NAALADL2: variants seen among roughly 807,000 people sequenced by gnomAD.
NAALADL2 encodes the protein N-acetylated alpha-linked acidic dipeptidase like 2, also known as inactive N-acetylated-alpha-linked acidic dipeptidase-like protein 2.
A neutral mutation model predicts 87.2 loss-of-function variants in NAALADL2; 76 were observed. The observed-to-expected ratio is 0.87, with a 90% CI of 0.72 to 1.05. The LOEUF (loss-of-function observed/expected upper bound fraction) is 1.05, where lower values mean the gene tolerates loss of function less well. Ranked by LOEUF, NAALADL2 falls within the 50% of genes least tolerant of loss-of-function variation. The pLI, the probability that NAALADL2 is intolerant of heterozygous loss-of-function variation, is 0.00. For missense variants in NAALADL2, 1,089 were observed against 945.8 expected (o/e 1.15, Z -1.99); for synonymous variants, 354 against 331.0 (o/e 1.07, Z -0.75).
intron 2 of NAALADL2, among the ~76,000 whole-genome samples, chr3:174,669,295 A>G (rs1017897977): frequency 6.6e-6 from 1 of 151,824 alleles, no homozygotes; most frequent in East Asian, 1.9e-4. Flanking sequence ...GTTTGAGTTC[A>G]TTGTAGATTC....
chr3:175,436,232 T>C (rs1229777386), intron 5 of NAALADL2, among the ~76,000 whole-genome samples: 9 of 143,764 alleles, frequency 6.3e-5, no homozygotes, highest in Non-Finnish European at 9.1e-5. Flanking sequence ...TGCCACATTT[T>C]CTTAATCCAG....
At chr3:175,112,251 C>T (rs1297527632) in intron 2 of NAALADL2, among the ~76,000 whole-genome samples, 10 of 151,328 alleles carry the variant, frequency 6.6e-5, no homozygotes, top group African/African-American at 2.4e-4. Context: ...CTCCCGCCTC[C>T]TCTCAACTTT....
intron 11 of NAALADL2, among the ~76,000 whole-genome samples, chr3:175,671,981 T>C (rs1166716813): frequency 6.6e-6 from 1 of 152,122 alleles, no homozygotes; most frequent in Non-Finnish European, 1.5e-5. Flanking sequence ...TCTAAGGCAA[T>C]ATCGAACAGT....
At position 175,360,453 on chromosome 3, in the gene NAALADL2, C is replaced by T. The variant is rs1025610644; in HGVS notation, c.1090+36128C>T. 2.6e-5 allele frequency among the ~76,000 whole-genome samples: 4 copies of T among 152,164 alleles called. No individual in the cohort carries two copies. In the East Asian group the frequency reaches 7.7e-4, roughly 29 times the overall value. ...CAGCCTAATAATTCCCTTTGCCCCT[C>T]CCTCTTGCTTCTTTTCCTAAATCCT... On this transcript the variant is annotated intron_variant, in intron 5 of 13. Transcript: ENST00000454872.
intron 1 of NAALADL2, among the ~76,000 whole-genome samples, chr3:174,889,648 A>G (rs1730627725): frequency 6.6e-6 from 1 of 152,232 alleles, no homozygotes; most frequent in South Asian, 2.1e-4. Context: ...ACTAAAAAAA[A>G]AAATGGCACT....
At chr3:175,007,677 G>T (rs1749217336) in intron 1 of NAALADL2, among the ~76,000 whole-genome samples, 1 of 152,096 alleles carries the variant, frequency 6.6e-6, no homozygotes, top group African/African-American at 2.4e-5. Flanking sequence ...CCCAGTGGAT[G>T]CCTGAAACCT....
chr3:174,681,293 C>T (rs1727510895), intron 2 of NAALADL2, among the ~76,000 whole-genome samples: 1 of 152,158 alleles, frequency 6.6e-6, no homozygotes, highest in Non-Finnish European at 1.5e-5. Context: ...TGGGCAAGTG[C>T]TGATGCTGTG....
At chr3:174,617,945 T>TA in intron 2 of NAALADL2, among the ~76,000 whole-genome samples, 1 of 151,926 alleles carries the variant, frequency 6.6e-6, no homozygotes, top group Admixed American at 6.5e-5. Flanking sequence ...AAAAGGATCG[T>TA]AACTAGTTAT....
At chr3:175,133,739 G>GA (rs1267442667) in intron 2 of NAALADL2, among the ~76,000 whole-genome samples, 2 of 152,112 alleles carry the variant, frequency 1.3e-5, no homozygotes, top group Non-Finnish European at 2.9e-5. Flanking sequence ...AGACCGTGGG[G>GA]AGAGGGAGAG....
At chr3:175,208,185 T>A (rs1350809) in intron 2 of NAALADL2, among the ~76,000 whole-genome samples, 104,854 of 151,942 alleles carry the variant, frequency 0.69, 37,301 homozygotes, top group African/African-American at 0.85. Context: ...GATCCTACCG[T>A]TACTTATTTA....
intron 1 of NAALADL2, among the ~76,000 whole-genome samples, chr3:174,954,859 T>G (rs370811258): frequency 7.2e-5 from 11 of 152,088 alleles, no homozygotes; most frequent in African/African-American, 2.4e-4. Context: ...ATACATGTAA[T>G]TAAAGCTTCT....
At chr3:174,457,817 A>G (rs28628357) in intron 1 of NAALADL2, among the ~76,000 whole-genome samples, 2 of 144,742 alleles carry the variant, frequency 1.4e-5, no homozygotes, top group East Asian at 5.2e-4. Flanking sequence ...TCTCAAAAAA[A>G]CAAAAAAAAA....
chr3:175,521,507 T>G (rs1424855086), intron 9 of NAALADL2, among the ~76,000 whole-genome samples: 2 of 152,148 alleles, frequency 1.3e-5, no homozygotes, highest in African/African-American at 4.8e-5. Flanking sequence ...CCCAGAGAGA[T>G]ATGTTCAAGT....
intron 1 of NAALADL2, among the ~76,000 whole-genome samples, chr3:174,466,923 G>A (rs372951165): frequency 1.5e-4 from 23 of 152,254 alleles, no homozygotes; most frequent in African/African-American, 4.1e-4. Context: ...GTGAAGTTAT[G>A]ATTCCTTTTG....
rs1725948656 is a variant in NAALADL2 at position 175,619,820 on chromosome 3, G to T, written c.1801-7471G>T. 4.6e-5 allele frequency among the ~76,000 whole-genome samples: 7 copies of T among 152,270 alleles called. No individual in the cohort carries two copies. The South Asian group carries it at 1.2e-3, about 27-fold the overall frequency. ...ACACCATAATGGACTGTTGGGGACT[G>T]AAGCCAGTCCAGGAACCTTCAAGTA... On this transcript the variant is annotated intron_variant, in intron 10 of 13. Transcript: ENST00000454872.
At chr3:174,812,923 A>G (rs1720379381) in intron 3 of NAALADL2, among the ~76,000 whole-genome samples, 2 of 152,196 alleles carry the variant, frequency 1.3e-5, no homozygotes, top group Non-Finnish European at 2.9e-5. Flanking sequence ...AAGAATCAAA[A>G]AAGTAAAGAC....
intron 9 of NAALADL2, among the ~76,000 whole-genome samples, chr3:175,495,414 A>G (rs181314412): frequency 4.9e-4 from 75 of 152,258 alleles, no homozygotes; most frequent in Admixed American, 7.9e-4. Flanking sequence ...GAACCTCTGC[A>G]TGAAACGGGG....
At chr3:175,240,470 T>C (rs1218622779) in intron 3 of NAALADL2, among the ~76,000 whole-genome samples, 6 of 152,270 alleles carry the variant, frequency 3.9e-5, no homozygotes, top group African/African-American at 1.4e-4. Context: ...AGCAAACTTA[T>C]CAGTGTTATG....
At chr3:175,787,585 G>C (rs944454182) in intron 13 of NAALADL2, among the ~76,000 whole-genome samples, 2 of 152,132 alleles carry the variant, frequency 1.3e-5, no homozygotes, top group Non-Finnish European at 2.9e-5. Context: ...CACGGTGCGC[G>C]CACCCACTGA....
Sources: gnomAD v4.1 joint callset for allele counts (sites outside exome capture counted in the v4.1 genomes callset) on GRCh38, gnomAD v4.1.1 for gene constraint, MANE v1.5 for transcripts, NCBI Gene and HGNC (gene_info 2026-07-23, HGNC 2026-07-21) for gene names.